MCF2: variants seen among roughly 807,000 people sequenced by gnomAD.
The protein encoded by MCF2 is proto-oncogene DBL.
MCF2 carries 44 observed loss-of-function variants against 82.5 expected under a neutral mutation model. The ratio of observed to expected loss-of-function variants is 0.53; its 90% CI spans 0.42 to 0.69. MCF2 has a LOEUF of 0.69. Among genes scored for constraint, MCF2 ranks in the 30% least tolerant of loss-of-function variants. The pLI is 0.00. For synonymous variants in MCF2, 217 were observed against 224.9 expected (o/e 0.96, Z 0.32); for missense variants, 623 against 663.1 (o/e 0.94, Z 0.66).
upstream of MCF2, chrX:139,645,805 A>G (rs1731381067): frequency 2.3e-6 from 1 of 428,743 alleles, no homozygotes; most frequent in Admixed American, 4.1e-5. Flanking sequence ...ACAAAGTCCT[A>G]TCTTAGAAAA....
intron 1 of MCF2, among the ~76,000 whole-genome samples, chrX:139,688,350 G>A (rs1287296738): frequency 9.0e-6 from 1 of 111,532 alleles, no homozygotes. Flanking sequence ...CATCCAAAAT[G>A]GATACATATT....
At chrX:139,656,519 G>A (rs1291667556) in intron 1 of MCF2, among the ~76,000 whole-genome samples, 1 of 112,116 alleles carries the variant, frequency 8.9e-6, no homozygotes, top group Non-Finnish European at 1.9e-5. Flanking sequence ...ATGAAATCAC[G>A]GTTACAAGAG....
At chrX:139,642,981 T>C (rs1008978765), upstream of MCF2, 1 of 217,971 alleles carries the variant, frequency 4.6e-6, no homozygotes, top group African/African-American at 3.1e-5. Context: ...ACTCATGCTT[T>C]TTACTCTCGT....
chrX:139,676,032 G>A (rs979617959), intron 1 of MCF2, among the ~76,000 whole-genome samples: 1 of 112,528 alleles, frequency 8.9e-6, no homozygotes, highest in Admixed American at 9.4e-5. Context: ...CAGCAATGGC[G>A]GACCCCCTCC....
intron 20 of MCF2, among the ~76,000 whole-genome samples, chrX:139,588,759 C>A (rs34731540): frequency 0.19 from 19,902 of 103,518 alleles, 1,832 homozygotes; most frequent in South Asian, 0.37. Flanking sequence ...ACTACTACTA[C>A]TACTAATAAT....
intron 1 of MCF2, among the ~76,000 whole-genome samples, chrX:139,667,194 T>C (rs1456921668): frequency 1.1e-5 from 1 of 92,217 alleles, no homozygotes; most frequent in Non-Finnish European, 2.0e-5. Context: ...ATATTTTGAA[T>C]TCTTTTTTTT....
chrX:139,680,010 A>G (rs1934961876), intron 1 of MCF2, among the ~76,000 whole-genome samples: 1 of 112,391 alleles, frequency 8.9e-6, no homozygotes, highest in South Asian at 3.8e-4. Context: ...TTTTGTAAAC[A>G]TCAATATTTA....
chrX:139,616,112 T>A (rs749951914), intron 9 of MCF2, among the ~76,000 whole-genome samples, 170 bp downstream of exon 12: 57 of 111,495 alleles, frequency 5.1e-4, no homozygotes, highest in African/African-American at 1.7e-3. Flanking sequence ...AGCAAACATA[T>A]GCCTTTGAAT....
At chrX:139,586,083 C>A (rs1375074836) in intron 23 of MCF2, among the ~76,000 whole-genome samples, 1 of 111,216 alleles carries the variant, frequency 9.0e-6, no homozygotes, top group East Asian at 2.8e-4. Context: ...AGTGGCTGGG[C>A]CTTGTTCCCA....
intron 1 of MCF2, among the ~76,000 whole-genome samples, chrX:139,683,371 C>T (rs1935047822): frequency 8.9e-6 from 1 of 112,506 alleles, no homozygotes; most frequent in South Asian, 3.7e-4. Context: ...TGGGAAACCT[C>T]AATTTGTGCC....
In MCF2 at chrX:139,614,948, G is replaced by C. The variant is rs747046686; in HGVS notation, c.1296C>G (p.Ile432Met). The C allele has an allele frequency of 1.1e-5, 13 of 1,207,666 alleles. No homozygotes were observed. The highest frequency in any genetic ancestry group is 2.3e-4 in the Middle Eastern group (1 of 4,362). The change falls in exon 10 of 25, where the codon ATC (isoleucine) becomes ATG (methionine). Residue 432 changes from isoleucine to methionine, a missense_variant. Coordinates refer to ENST00000370576, the Ensembl canonical transcript of MCF2. ...TTTCAGGTGTGGGTACCACAAATTG[G>C]ATTGGCCTCACATGCTTATCTGCCA...
At chrX:139,661,409 G>A (rs955090456) in intron 1 of MCF2, among the ~76,000 whole-genome samples, 5 of 111,881 alleles carry the variant, frequency 4.5e-5, no homozygotes, top group African/African-American at 1.6e-4. Flanking sequence ...CAACAGAATG[G>A]CAGGGATATA....
chrX:139,659,859 G>C (rs1353489586), intron 1 of MCF2, among the ~76,000 whole-genome samples: 1 of 112,121 alleles, frequency 8.9e-6, no homozygotes, highest in African/African-American at 3.2e-5. Flanking sequence ...TGTAGTAAAT[G>C]AACAATCGCT....
intron 1 of MCF2, among the ~76,000 whole-genome samples, chrX:139,665,926 T>TATATATATATATAC (rs1457804512): frequency 1.4e-5 from 1 of 73,274 alleles, no homozygotes; most frequent in Non-Finnish European, 2.2e-5. Flanking sequence ...TATATATATA[T>TATATATATATATAC]ACACACACAC....
At chrX:139,633,201 T>C (rs1933011436) in intron 1 of MCF2, among the ~76,000 whole-genome samples, 1 of 111,375 alleles carries the variant, frequency 9.0e-6, no homozygotes, top group African/African-American at 3.3e-5. Flanking sequence ...TTCACCAATG[T>C]TTCCCCAGCG....
chrX:139,648,249 G>A (rs1933869874), intron 2 of MCF2, among the ~76,000 whole-genome samples: 1 of 109,963 alleles, frequency 9.1e-6, no homozygotes. Context: ...GTGCACGCCT[G>A]TAATCCCAGC....
Position 139,640,976 on chromosome X carries a change from C to T in MCF2, c.51+1492G>A, listed in dbSNP as rs147104274. Among the ~76,000 whole-genome samples, 1,034 of 110,468 alleles carry T rather than the reference C, an allele frequency of 9.4e-3. 9 individuals carry two copies. Among genetic ancestry groups the T allele is most frequent in the African/African-American group, 0.032 (969 of 30,463 alleles). ...AATTTCTTTTCAAAATAGTCATTTA[C>T]GAACATGTCTTACCCTTTCTATTAG... On this transcript the variant is annotated intron_variant, in intron 1 of 24. Coordinates refer to ENST00000370576, the Ensembl canonical transcript of MCF2.
At chrX:139,610,231 G>T in intron 11 of MCF2, 70 bp downstream of exon 15, 1 of 683,994 alleles carries the variant, frequency 1.5e-6, no homozygotes. Flanking sequence ...TGAAACATGT[G>T]ATTTAAGGCT....
intron 1 of MCF2, among the ~76,000 whole-genome samples, chrX:139,664,044 A>T (rs1235044922): frequency 3.6e-5 from 4 of 109,649 alleles, no homozygotes; most frequent in Non-Finnish European, 5.7e-5. Flanking sequence ...TCTCTCTGTC[A>T]CCCAGGCTGG....
Sources: gnomAD v4.1 joint callset for allele counts (sites outside exome capture counted in the v4.1 genomes callset) on GRCh38, gnomAD v4.1.1 for gene constraint, MANE v1.5 for transcripts, NCBI Gene and HGNC (gene_info 2026-07-23, HGNC 2026-07-21) for gene names.